Variants in MPPED2 observed in about 807,000 individuals in gnomAD.
MPPED2 encodes metallophosphoesterase domain containing 2.
A neutral mutation model predicts 33.0 loss-of-function variants in MPPED2; 5 were observed. The ratio of observed to expected loss-of-function variants is 0.15; its 90% CI spans 0.08 to 0.32. The LOEUF (loss-of-function observed/expected upper bound fraction) is 0.32. Ranked by LOEUF, MPPED2 falls within the 10% of genes least tolerant of loss-of-function variation. MPPED2 has a pLI of 1.00. For missense variants in MPPED2, 275 were observed against 372.1 expected, an observed-to-expected ratio of 0.74 and a Z score of 2.15; for synonymous variants, 136 against 141.9, an observed-to-expected ratio of 0.96 and a Z score of 0.29.
chr11:30,446,276 A>C (rs1949805560), intron 4 of MPPED2, among the ~76,000 whole-genome samples: 2 of 152,266 alleles, frequency 1.3e-5, no homozygotes, highest in African/African-American at 4.8e-5. Context: ...TCTCCTGAAA[A>C]GACTCATCAT....
intron 6 of MPPED2, among the ~76,000 whole-genome samples, chr11:30,393,102 C>T (rs183593451): frequency 1.5e-4 from 23 of 152,194 alleles, no homozygotes; most frequent in Admixed American, 3.9e-4. Context: ...CACCTCTCAT[C>T]GACAGTTGTT....
In MPPED2 at chr11:30,472,982, A is replaced by G. The variant is rs1312715310; in HGVS notation, c.536+22314T>C. Among the ~76,000 whole-genome samples the G allele has an allele frequency of 2.0e-5, 3 of 152,238 alleles. No individual in the cohort carries two copies. In the East Asian group the frequency reaches 5.8e-4, roughly 29 times the overall value. On this transcript the variant is annotated intron_variant, in intron 4 of 6. Transcript: ENST00000358117. ...TATGTACAATGGATAAACATCCTCT[A>G]TGAAATTTTTATTTCAGTTCAAATA... is the stretch of plus-strand genomic sequence containing the variant.
At chr11:30,574,978 C>A (rs1268056380) in intron 2 of MPPED2, among the ~76,000 whole-genome samples, 2 of 152,134 alleles carry the variant, frequency 1.3e-5, no homozygotes, top group African/African-American at 4.8e-5. Flanking sequence ...CCAAATGACA[C>A]CTTTTCTATA....
intron 2 of MPPED2, among the ~76,000 whole-genome samples, chr11:30,552,037 T>C (rs997186946): frequency 2.0e-5 from 3 of 152,196 alleles, no homozygotes; most frequent in Non-Finnish European, 2.9e-5. Flanking sequence ...AATACAGGTC[T>C]CTCATAAACA....
chr11:30,579,634 A>G (rs1957079482), intron 2 of MPPED2, among the ~76,000 whole-genome samples: 1 of 152,172 alleles, frequency 6.6e-6, no homozygotes, highest in African/African-American at 2.4e-5. Context: ...GAGTGAGAGG[A>G]AAGTACAATT....
intron 6 of MPPED2, among the ~76,000 whole-genome samples, chr11:30,398,347 C>T (rs1048064718): frequency 1.3e-5 from 2 of 152,106 alleles, no homozygotes; most frequent in Non-Finnish European, 2.9e-5. Context: ...CTCTACCTAC[C>T]CCACTCATTC....
At chr11:30,389,390 T>C (rs919657990) in intron 6 of MPPED2, among the ~76,000 whole-genome samples, 17 of 152,166 alleles carry the variant, frequency 1.1e-4, no homozygotes, top group African/African-American at 4.1e-4. Context: ...TATTTGAAAA[T>C]GATGCCCTGG....
chr11:30,585,365 C>G (rs923482163), intron 1 of MPPED2, among the ~76,000 whole-genome samples: 1 of 151,816 alleles, frequency 6.6e-6, no homozygotes, highest in Non-Finnish European at 1.5e-5. Flanking sequence ...GAAAGAGCCC[C>G]GAGCGAGAGC....
chr11:30,412,172 T>C lies in MPPED2; in HGVS notation c.767-586A>G, dbSNP rs763444077. The stretch of plus-strand genomic sequence containing the variant: ...CTAAGTTCCATTTCATTCAAAAGTG[T>C]CAGCTAATCACATGTCGAAGTGATG... On this transcript the variant is annotated intron_variant, in intron 6 of 6. Coordinates refer to ENST00000358117, the MANE Select transcript of MPPED2 (RefSeq NM_001584.3). Among the ~76,000 whole-genome samples, 22 of 151,086 alleles carry C rather than the reference T, an allele frequency of 1.5e-4. 1 individual carries two copies. The highest frequency in any genetic ancestry group is 5.9e-5 in the Non-Finnish European group (4 of 67,854).
chr11:30,546,753 C>A (rs1381833894), intron 2 of MPPED2, among the ~76,000 whole-genome samples: 2 of 152,150 alleles, frequency 1.3e-5, no homozygotes, highest in Non-Finnish European at 2.9e-5. Flanking sequence ...TAGGGGACAT[C>A]ATTTATGTGA....
chr11:30,420,645 G>A (rs1350801595), intron 4 of MPPED2, among the ~76,000 whole-genome samples: 1 of 152,146 alleles, frequency 6.6e-6, no homozygotes, highest in Non-Finnish European at 1.5e-5. Flanking sequence ...TAGATGCAGT[G>A]CTTTTAGAGA....
chr11:30,387,595 GAGGTGGTCCCT>G (rs367765383), exon 7 of MPPED2: 102 of 152,304 alleles, frequency 6.7e-4, no homozygotes, highest in African/African-American at 2.4e-3. Context: ...GGAGCATGTG[GAGGTGGTCCCT>G]AGAACACTCA....
chr11:30,559,679 A>G (rs2134704659), intron 2 of MPPED2, among the ~76,000 whole-genome samples: 1 of 152,222 alleles, frequency 6.6e-6, no homozygotes, highest in Non-Finnish European at 1.5e-5. Flanking sequence ...TATTTTTTTA[A>G]TTTTAGTTTT....
chr11:30,465,770 G>A (rs562829), intron 4 of MPPED2, among the ~76,000 whole-genome samples: 12,429 of 152,212 alleles, frequency 0.082, 649 homozygotes, highest in South Asian at 0.24. Context: ...ACTTATACAC[G>A]GATTTTTTTC....
At chr11:30,391,574 A>G (rs1275120687) in intron 6 of MPPED2, among the ~76,000 whole-genome samples, 1 of 152,148 alleles carries the variant, frequency 6.6e-6, no homozygotes, top group Non-Finnish European at 1.5e-5. Flanking sequence ...TCTCTGTAAA[A>G]TGGAATGATT....
chr11:30,579,281 G>T (rs781268406), intron 2 of MPPED2, among the ~76,000 whole-genome samples: 3 of 152,002 alleles, frequency 2.0e-5, no homozygotes, highest in Non-Finnish European at 2.9e-5. Context: ...ACTTGGACAT[G>T]CCCCGAGTTC....
intron 4 of MPPED2, among the ~76,000 whole-genome samples, chr11:30,472,261 T>A (rs2134066570): frequency 6.6e-6 from 1 of 152,170 alleles, no homozygotes; most frequent in Non-Finnish European, 1.5e-5. Flanking sequence ...CTTGGGGGTC[T>A]GAGGTGGGAG....
chr11:30,386,995 CA>C, exon 7 of MPPED2: 1 of 382,562 alleles, frequency 2.6e-6, no homozygotes, highest in Non-Finnish European at 4.6e-6. Flanking sequence ...GATCAGAAAA[CA>C]AGGCCACATA....
At chr11:30,578,992 T>C (rs1016495368) in intron 2 of MPPED2, among the ~76,000 whole-genome samples, 7 of 129,566 alleles carry the variant, frequency 5.4e-5, no homozygotes, top group Admixed American at 3.5e-4. Flanking sequence ...CTTACAAGGA[T>C]TGTCTTTTCC....
Sources: gnomAD v4.1 joint callset for allele counts (sites outside exome capture counted in the v4.1 genomes callset) on GRCh38, gnomAD v4.1.1 for gene constraint, MANE v1.5 for transcripts, NCBI Gene and HGNC (gene_info 2026-07-23, HGNC 2026-07-21) for gene names.